The following FBN2 variants were observed in gnomAD, a reference collection of about 807,000 sequenced individuals.
The protein encoded by FBN2 is fibrillin-2.
In FBN2, 105 loss-of-function variants were observed where a neutral mutation model predicts 355.6. That is an observed-to-expected ratio of 0.30 (90% CI 0.25 to 0.35). The LOEUF (loss-of-function observed/expected upper bound fraction) is 0.35. Among genes scored for constraint, FBN2 ranks in the 10% least tolerant of loss-of-function variants. The pLI is 1.00. For synonymous variants in FBN2, 1,350 were observed against 1,301.2 expected (o/e 1.04, Z -0.81); for missense variants, 3,280 against 3,758.7 (o/e 0.87, Z 3.33).
intron 55 of FBN2, 52 bp downstream of exon 55, chr5:128,286,666 G>A (rs2126816626): frequency 1.2e-6 from 2 of 1,608,774 alleles, no homozygotes; most frequent in East Asian, 4.5e-5. Flanking sequence ...TGCCATTAAT[G>A]AGGCTGGGAG....
chr5:128,446,660 T>C, intron 6 of FBN2, 54 bp from the exon 7 acceptor site: 3 of 1,572,556 alleles, frequency 1.9e-6, no homozygotes, highest in Admixed American at 1.7e-5. Flanking sequence ...AGAATATCTA[T>C]ACTTTTTTTT....
intron 7 of FBN2, 146 bp from the exon 8 acceptor site, chr5:128,408,945 C>T (rs1753001456): frequency 1.1e-6 from 1 of 880,068 alleles, no homozygotes; most frequent in Non-Finnish European, 1.8e-6. Context: ...TTTCAGGCCC[C>T]AAAGAATTTC....
chr5:128,305,324 G>A (rs1749838133), intron 44 of FBN2, among the ~76,000 whole-genome samples, 187 bp downstream of exon 44: 1 of 152,032 alleles, frequency 6.6e-6, no homozygotes, highest in Admixed American at 6.5e-5. Flanking sequence ...GTCCAATCCT[G>A]GGGAAATCCA....
chr5:128,408,909 A>G, intron 7 of FBN2, 110 bp from the exon 8 acceptor site: 1 of 1,155,396 alleles, frequency 8.7e-7, no homozygotes, highest in South Asian at 1.3e-5. Context: ...ATTAGGTCAG[A>G]TCATATAACC....
At chr5:128,520,613 C>T (rs550527066) in intron 4 of FBN2, among the ~76,000 whole-genome samples, 2 of 152,226 alleles carry the variant, frequency 1.3e-5, no homozygotes, top group African/African-American at 4.8e-5. Flanking sequence ...GGATAGATTG[C>T]CTATCATCTC....
At chr5:128,312,266 C>T (rs950679932) in intron 37 of FBN2, among the ~76,000 whole-genome samples, 4 of 152,126 alleles carry the variant, frequency 2.6e-5, no homozygotes, top group Admixed American at 6.5e-5. Flanking sequence ...TCAGATGTTT[C>T]AATTTAAGGC....
chr5:128,520,753 T>TA (rs1232254497), intron 4 of FBN2, among the ~76,000 whole-genome samples: 3 of 152,116 alleles, frequency 2.0e-5, no homozygotes, highest in Non-Finnish European at 4.4e-5. Flanking sequence ...GTTGATAAGT[T>TA]ACACTTCAAT....
chr5:128,295,506 T>C (rs1749480129), intron 48 of FBN2, among the ~76,000 whole-genome samples: 1 of 148,332 alleles, frequency 6.7e-6, no homozygotes, highest in South Asian at 2.2e-4. Flanking sequence ...TCCTCTTTTA[T>C]TTCCTTGAGT....
At chr5:128,318,793 A>T in intron 35 of FBN2, 86 bp downstream of exon 35, 2 of 1,414,852 alleles carry the variant, frequency 1.4e-6, no homozygotes, top group Non-Finnish European at 9.9e-7. Context: ...AGATTAGCTA[A>T]GCAGAAATCT....
chr5:128,482,727 C>A (rs1387786069), intron 5 of FBN2, among the ~76,000 whole-genome samples: 2 of 152,044 alleles, frequency 1.3e-5, no homozygotes, highest in East Asian at 1.9e-4. Flanking sequence ...ATGTCACCTG[C>A]AAATATTAAG....
intron 5 of FBN2, among the ~76,000 whole-genome samples, chr5:128,475,962 A>G (rs1754998185): frequency 6.6e-6 from 1 of 152,224 alleles, no homozygotes; most frequent in South Asian, 2.1e-4. Flanking sequence ...TATCTGCCAT[A>G]TGAAGACTCG....
Position 128,376,840 on chromosome 5 carries a change from A to G in FBN2, c.1863T>C (p.Cys621=). The G allele has an allele frequency of 6.2e-7, 1 of 1,613,414 alleles. No homozygotes were observed. The highest frequency in any genetic ancestry group is 8.5e-7 in the Non-Finnish European group (1 of 1,179,584). Residue 621 remains cysteine (C), a synonymous_variant, in exon 14 of 65, where the codon TGT becomes TGC. Coordinates refer to ENST00000262464, the MANE Select transcript of FBN2 (RefSeq NM_001999.4). ...DGKNCVDHDE[C]TTTNMCLNGM... is the part of the protein sequence containing the mutation. ...CATTCAAACACATGTTGGTAGTTGTACATTCATCATGATCTGCAGAAGAGG... is the reference window on the plus strand; with the variant it reads ...CATTCAAACACATGTTGGTAGTTGTGCATTCATCATGATCTGCAGAAGAGG...
intron 4 of FBN2, among the ~76,000 whole-genome samples, chr5:128,521,290 C>A (rs1281097871): frequency 6.6e-6 from 1 of 152,148 alleles, no homozygotes; most frequent in Non-Finnish European, 1.5e-5. Context: ...ACCACATGTT[C>A]TCACTTATAA....
intron 48 of FBN2, among the ~76,000 whole-genome samples, chr5:128,296,161 C>A (rs1295248363): frequency 3.3e-5 from 5 of 152,010 alleles, no homozygotes; most frequent in South Asian, 2.1e-4. Context: ...ATATATTGAA[C>A]CAGCCTTGCA....
intron 19 of FBN2, among the ~76,000 whole-genome samples, chr5:128,359,955 A>C (rs1751597118): frequency 6.6e-6 from 1 of 152,118 alleles, no homozygotes; most frequent in East Asian, 1.9e-4. Flanking sequence ...TTAGTTCCGC[A>C]TTACGTGTCT....
At chr5:128,475,131 T>G (rs1419593353) in intron 5 of FBN2, among the ~76,000 whole-genome samples, 1 of 152,206 alleles carries the variant, frequency 6.6e-6, no homozygotes, top group Non-Finnish European at 1.5e-5. Context: ...CCTTATACCA[T>G]GCCTGTCTTT....
At chr5:128,266,804 T>A (rs953116645) in intron 62 of FBN2, among the ~76,000 whole-genome samples, 3 of 151,232 alleles carry the variant, frequency 2.0e-5, no homozygotes, top group African/African-American at 7.3e-5. Context: ...TTATAAATAT[T>A]GTAATATAAT....
chr5:128,492,624 T>G (rs10078570), intron 5 of FBN2, among the ~76,000 whole-genome samples: 75,460 of 151,748 alleles, frequency 0.5, 22,004 homozygotes, highest in African/African-American at 0.82. Flanking sequence ...CCAACATGGC[T>G]AGACCCTGTC....
chr5:128,293,775 G>C (rs1284981977), intron 48 of FBN2, among the ~76,000 whole-genome samples: 3 of 152,134 alleles, frequency 2.0e-5, no homozygotes, highest in South Asian at 4.2e-4. Flanking sequence ...GAAGAATCAA[G>C]ATTGAGCATG....
Sources: gnomAD v4.1 joint callset for allele counts (sites outside exome capture counted in the v4.1 genomes callset) on GRCh38, gnomAD v4.1.1 for gene constraint, MANE v1.5 for transcripts, NCBI Gene and HGNC (gene_info 2026-07-23, HGNC 2026-07-21) for gene names.